NRP1: variants seen among roughly 807,000 people sequenced by gnomAD.
The protein encoded by NRP1 is neuropilin-1.
A neutral mutation model predicts 106.7 loss-of-function variants in NRP1; 35 were observed. The ratio of observed to expected loss-of-function variants is 0.33; its 90% confidence interval spans 0.25 to 0.43. The LOEUF is 0.43. Among genes scored for constraint, NRP1 ranks in the 20% least tolerant of loss-of-function variants. The pLI is 1.00. For synonymous variants in NRP1, 437 were observed against 417.9 expected, an observed-to-expected ratio of 1.05 and a Z score of -0.56; for missense variants, 1,024 against 1,170.4, an observed-to-expected ratio of 0.87 and a Z score of 1.83.
At chr10:33,206,337 G>A (rs773790201) in intron 10 of NRP1, 1 of 518,818 alleles carries the variant, frequency 1.9e-6, no homozygotes. Flanking sequence ...GACATTCTTG[G>A]TCTGTGTTGA....
chr10:33,190,495 G>A (rs1377370472), intron 13 of NRP1, among the ~76,000 whole-genome samples: 2 of 152,154 alleles, frequency 1.3e-5, no homozygotes, highest in African/African-American at 4.8e-5. Context: ...AGGTGGCTGT[G>A]GTGGAAGGAG....
At chr10:33,270,468 T>A (rs1343802360) in intron 3 of NRP1, among the ~76,000 whole-genome samples, 5 of 152,038 alleles carry the variant, frequency 3.3e-5, no homozygotes, top group Admixed American at 6.6e-5. Context: ...CTGGGATTAC[T>A]GGCATATGCC....
rs76713969 is a variant in NRP1, at chr10:33,287,970, C to T, written c.249-17114G>A. On this transcript the variant is annotated intron_variant, in intron 2 of 16. Transcript: ENST00000374867. ...GCTGTCTCAAGATAGAGTGTGAGCC[C>T]GAGCTTTTCTGGGTTGCAAACAACA... Among the ~76,000 whole-genome samples the T allele has an allele frequency of 8.2e-3, 1,245 of 152,218 alleles. 13 individuals are homozygous for T. Among genetic ancestry groups the T allele is most frequent in the African/African-American group, 0.029 (1,185 of 41,530 alleles).
At position 33,230,718 on chromosome 10, in the gene NRP1, A is replaced by G. The variant is rs144217491; in HGVS notation, c.982-4429T>C. On this transcript the variant is annotated intron_variant, in intron 6 of 16. Coordinates refer to ENST00000374867, the MANE Select transcript of NRP1 (RefSeq NM_003873.7). ...CTTTCTTTTCTCAAGTCACTTATCC[A>G]CAACTTATCACCCATTGTGAAAATG... Among the ~76,000 whole-genome samples the G allele has an allele frequency of 2.4e-3, 363 of 152,220 alleles. 3 individuals are homozygous for G. Among genetic ancestry groups the G allele is most frequent in the African/African-American group, 7.7e-3 (321 of 41,540 alleles).
intron 11 of NRP1, chr10:33,202,515 G>T: frequency 1.6e-6 from 2 of 1,249,060 alleles, no homozygotes; most frequent in Non-Finnish European, 1.1e-6. Context: ...ATTAGAAAAT[G>T]AAAATAAACA....
chr10:33,322,819 C>G (rs1403023902), intron 2 of NRP1, among the ~76,000 whole-genome samples: 1 of 152,132 alleles, frequency 6.6e-6, no homozygotes, highest in Admixed American at 6.5e-5. Flanking sequence ...TTAAACTTTC[C>G]TGAGAACTTG....
At position 33,207,603 on chromosome 10, in the gene NRP1, G is replaced by A. The variant is rs781713724; in HGVS notation, c.1728C>T (p.Leu576=). The change falls in exon 10 of 17, where the codon CTC becomes CTT. Residue 576 remains leucine (L), a synonymous_variant. Transcript: ENST00000374867. ...CTTCACAGCCCAGCAGCTCCATTCT[G>A]AGCCCCAGTCCGCCATGAGTGGCTC... ...PERATHGGLG[L]RMELLGCEVE... 2.5e-6 allele frequency: 4 copies of A among 1,614,070 alleles called. No individual in the cohort carries two copies. The South Asian group carries it at 4.4e-5, about 18-fold the overall frequency.
chr10:33,234,657 G>A (rs984987844), intron 6 of NRP1, among the ~76,000 whole-genome samples: 1 of 152,088 alleles, frequency 6.6e-6, no homozygotes, highest in African/African-American at 2.4e-5. Flanking sequence ...TTAGGGTAAA[G>A]AATAAAAATA....
At chr10:33,267,530 T>C (rs1441929908) in intron 3 of NRP1, among the ~76,000 whole-genome samples, 4 of 152,100 alleles carry the variant, frequency 2.6e-5, no homozygotes, top group Admixed American at 2.6e-4. Flanking sequence ...ATGCACAAAC[T>C]CTCAATCACA....
At chr10:33,206,372 T>TA in intron 10 of NRP1, 1 of 517,612 alleles carries the variant, frequency 1.9e-6, no homozygotes, top group Non-Finnish European at 3.9e-6. Flanking sequence ...TTTAGGGGTT[T>TA]GGGACATGAC....
chr10:33,330,682 C>A, intron 2 of NRP1, 26 bp downstream of exon 2: 1 of 1,597,434 alleles, frequency 6.3e-7, no homozygotes, highest in Non-Finnish European at 8.6e-7. Context: ...TGCTGTGGTG[C>A]CCTGTTCAAA....
At chr10:33,254,923 G>A (rs1024198407) in intron 5 of NRP1, among the ~76,000 whole-genome samples, 4 of 152,180 alleles carry the variant, frequency 2.6e-5, no homozygotes, top group African/African-American at 9.7e-5. Context: ...GGAGGGAGGG[G>A]CCTTCAGCAG....
intron 6 of NRP1, among the ~76,000 whole-genome samples, chr10:33,244,474 A>G (rs1431516619): frequency 6.6e-6 from 1 of 152,210 alleles, no homozygotes; most frequent in African/African-American, 2.4e-5. Context: ...GAGGATTCCC[A>G]ATTGTATAAT....
intron 13 of NRP1, among the ~76,000 whole-genome samples, chr10:33,189,565 G>A (rs1412181649): frequency 6.6e-6 from 1 of 152,170 alleles, no homozygotes; most frequent in African/African-American, 2.4e-5. Flanking sequence ...GTCAGCATCT[G>A]CCCTGTAACA....
At chr10:33,322,754 A>T (rs1256482135) in intron 2 of NRP1, among the ~76,000 whole-genome samples, 3 of 152,200 alleles carry the variant, frequency 2.0e-5, no homozygotes, top group Non-Finnish European at 2.9e-5. Context: ...TGCTTATTTA[A>T]TCTGAACTTA....
At chr10:33,245,885 T>C (rs1006665495) in intron 6 of NRP1, among the ~76,000 whole-genome samples, 1 of 152,150 alleles carries the variant, frequency 6.6e-6, no homozygotes, top group South Asian at 2.1e-4. Context: ...GTAAGTAAAA[T>C]GGAAAGTTGA....
At chr10:33,274,421 G>A (rs1248997466) in intron 2 of NRP1, among the ~76,000 whole-genome samples, 1 of 152,170 alleles carries the variant, frequency 6.6e-6, no homozygotes, top group South Asian at 2.1e-4. Flanking sequence ...ATTACCTAGA[G>A]ATTATTTTTT....
chr10:33,239,434 CTT>C (rs1840839038), intron 6 of NRP1, among the ~76,000 whole-genome samples: 2 of 152,228 alleles, frequency 1.3e-5, no homozygotes, highest in Non-Finnish European at 2.9e-5. Flanking sequence ...TCTGAAACTC[CTT>C]TCCTCCAAAC....
intron 2 of NRP1, among the ~76,000 whole-genome samples, chr10:33,295,275 A>G (rs1203772572): frequency 6.6e-6 from 1 of 152,204 alleles, no homozygotes; most frequent in East Asian, 1.9e-4. Flanking sequence ...GGAACACAGG[A>G]GTAACATGGA....
Sources: gnomAD v4.1 joint callset for allele counts (sites outside exome capture counted in the v4.1 genomes callset) on GRCh38, gnomAD v4.1.1 for gene constraint, MANE v1.5 for transcripts, NCBI Gene and HGNC (gene_info 2026-07-23, HGNC 2026-07-21) for gene names.